Variants in DLG2 observed in about 807,000 individuals in gnomAD.
DLG2 encodes the protein discs large MAGUK scaffold protein 2.
A neutral mutation model predicts 132.5 loss-of-function variants in DLG2; 45 were observed. The observed-to-expected ratio is 0.34, with a 90% CI of 0.27 to 0.44. DLG2 has a LOEUF of 0.44. DLG2 is among the 20% of genes least tolerant of loss of function. DLG2 has a pLI of 1.00. For synonymous variants in DLG2, 424 were observed against 419.6 expected, an observed-to-expected ratio of 1.01 and a Z score of -0.13; for missense variants, 1,045 against 1,196.9, an observed-to-expected ratio of 0.87 and a Z score of 1.87.
intron 8 of DLG2, among the ~76,000 whole-genome samples, chr11:84,232,080 A>AT (rs1555440822): frequency 5.3e-5 from 8 of 151,854 alleles, no homozygotes; most frequent in Non-Finnish European, 7.4e-5. Flanking sequence ...TAAGGAAAAA[A>AT]ATATATATAA....
intron 8 of DLG2, among the ~76,000 whole-genome samples, chr11:84,220,218 C>A (rs1236462950): frequency 2.6e-5 from 4 of 152,184 alleles, no homozygotes; most frequent in Non-Finnish European, 5.9e-5. Flanking sequence ...AACTTGAACT[C>A]TGGTTATGAA....
intron 7 of DLG2, 87 bp downstream of exon 7, chr11:84,534,483 A>T: frequency 7.3e-7 from 1 of 1,375,464 alleles, no homozygotes; most frequent in Non-Finnish European, 1.0e-6. Context: ...AAAGAGCCTC[A>T]TTTAATCGGG....
At chr11:83,499,169 AAGAT>A (rs1412584938) in intron 21 of DLG2, among the ~76,000 whole-genome samples, 7 of 152,188 alleles carry the variant, frequency 4.6e-5, no homozygotes, top group Non-Finnish European at 8.8e-5. Context: ...AGTTTTCTAA[AAGAT>A]AGAAGAGGAG....
At chr11:84,151,422 C>T (rs1385518821) in intron 9 of DLG2, among the ~76,000 whole-genome samples, 2 of 151,954 alleles carry the variant, frequency 1.3e-5, no homozygotes, top group Non-Finnish European at 2.9e-5. Context: ...CCTGATTGTG[C>T]TTATTTGAGT....
intron 7 of DLG2, among the ~76,000 whole-genome samples, chr11:84,489,440 C>T (rs2099158991): frequency 6.6e-6 from 1 of 152,108 alleles, no homozygotes; most frequent in Admixed American, 6.6e-5. Flanking sequence ...CCATTCCCTG[C>T]TTCCAGTGAA....
At chr11:84,876,031 C>A (rs1056587595) in intron 6 of DLG2, among the ~76,000 whole-genome samples, 3 of 152,216 alleles carry the variant, frequency 2.0e-5, no homozygotes, top group African/African-American at 7.2e-5. Flanking sequence ...ATCCACCATG[C>A]CTGGCCTTTC....
chr11:84,214,266 T>C (rs1012738593), intron 8 of DLG2, among the ~76,000 whole-genome samples: 8 of 142,872 alleles, frequency 5.6e-5, no homozygotes, highest in African/African-American at 1.4e-4. Flanking sequence ...TATATGAATA[T>C]ATATACACAT....
At chr11:84,698,792 G>T (rs902262038) in intron 6 of DLG2, among the ~76,000 whole-genome samples, 1 of 151,030 alleles carries the variant, frequency 6.6e-6, no homozygotes, top group Non-Finnish European at 1.5e-5. Context: ...ATACTGTTGC[G>T]TTTTTTTTGT....
intron 6 of DLG2, among the ~76,000 whole-genome samples, chr11:85,039,874 TG>T (rs1213176335): frequency 2.0e-5 from 3 of 151,926 alleles, no homozygotes; most frequent in Non-Finnish European, 4.4e-5. Context: ...GTTGAATGAA[TG>T]AATTTCCATA....
At chr11:85,572,775 C>T (rs1467983181) in intron 3 of DLG2, among the ~76,000 whole-genome samples, 1 of 152,194 alleles carries the variant, frequency 6.6e-6, no homozygotes, top group Non-Finnish European at 1.5e-5. Flanking sequence ...TTCCTAAGTT[C>T]ACTGCATGTG....
At chr11:84,249,838 A>G (rs1370408476) in intron 8 of DLG2, among the ~76,000 whole-genome samples, 1 of 152,210 alleles carries the variant, frequency 6.6e-6, no homozygotes, top group Non-Finnish European at 1.5e-5. Flanking sequence ...GAAAGATTTA[A>G]GAAGCCCTAG....
At chr11:83,513,724 T>A (rs1230065292) in intron 21 of DLG2, among the ~76,000 whole-genome samples, 1 of 152,214 alleles carries the variant, frequency 6.6e-6, no homozygotes, top group Non-Finnish European at 1.5e-5. Context: ...AAGGAAGGGA[T>A]CCAGTTTCAG....
chr11:84,088,351 G>A (rs529504718), intron 10 of DLG2, among the ~76,000 whole-genome samples: 9 of 149,420 alleles, frequency 6.0e-5, no homozygotes, highest in Admixed American at 4.0e-4. Context: ...TATATATCCA[G>A]AAGTCTTGAT....
intron 6 of DLG2, among the ~76,000 whole-genome samples, chr11:84,875,598 A>C (rs2086219230): frequency 6.6e-6 from 1 of 152,062 alleles, no homozygotes; most frequent in African/African-American, 2.4e-5. Context: ...CACATTTCCT[A>C]ATTCACTTTA....
chr11:85,030,941 T>G (rs1454754892), intron 6 of DLG2, among the ~76,000 whole-genome samples: 1 of 152,020 alleles, frequency 6.6e-6, no homozygotes, highest in African/African-American at 2.4e-5. Flanking sequence ...TAAGTTTCTT[T>G]TTTAAAATCT....
chr11:85,037,114 T>C (rs774378659), intron 6 of DLG2, among the ~76,000 whole-genome samples: 1 of 152,208 alleles, frequency 6.6e-6, no homozygotes, highest in Non-Finnish European at 1.5e-5. Context: ...AGATTTGTGG[T>C]ACAATCCATC....
Position 85,340,629 on chromosome 11 carries a change from A to T in DLG2, c.41-55264T>A, listed in dbSNP as rs572131410. On this transcript the variant is annotated intron_variant, in intron 3 of 27. Coordinates refer to ENST00000376104, the MANE Select transcript of DLG2 (RefSeq NM_001142699.3). ...ATTGTGCACATGTACCCTACAACTT[A>T]AAGTATATAATTTTTAAAAAGGTAA... is the stretch of plus-strand genomic sequence containing the variant. Among the ~76,000 whole-genome samples, 7 of 152,334 alleles carry T rather than the reference A, an allele frequency of 4.6e-5. No homozygotes were observed. The South Asian group carries it at 1.5e-3, about 32-fold the overall frequency.
chr11:85,026,763 G>A (rs2060557806), intron 6 of DLG2, among the ~76,000 whole-genome samples: 1 of 151,968 alleles, frequency 6.6e-6, no homozygotes, highest in African/African-American at 2.4e-5. Context: ...CGTGAACTGG[G>A]GAGGCAGAGC....
chr11:83,834,326 C>A (rs1472595807), intron 16 of DLG2, among the ~76,000 whole-genome samples: 1 of 152,094 alleles, frequency 6.6e-6, no homozygotes, highest in African/African-American at 2.4e-5. Flanking sequence ...GAGGAAAGCA[C>A]AGATATGATC....
Sources: allele counts gnomAD v4.1 joint callset (sites outside exome capture counted in the v4.1 genomes callset), GRCh38; gene constraint gnomAD v4.1.1; transcripts MANE v1.5; gene names NCBI Gene and HGNC (gene_info 2026-07-23, HGNC 2026-07-21).